STK39: variants seen among roughly 807,000 people sequenced by gnomAD.
STK39 encodes the protein STE20/SPS1-related proline-alanine-rich protein kinase.
In STK39, 20 loss-of-function variants were observed where a neutral mutation model predicts 77.8. The observed-to-expected ratio is 0.26, with a 90% CI of 0.18 to 0.37. The LOEUF is 0.37. Ranked by LOEUF, STK39 falls within the 10% of genes least tolerant of loss-of-function variation. STK39 has a pLI of 1.00. For missense variants in STK39, 479 were observed against 656.5 expected (o/e 0.73, Z 2.95); for synonymous variants, 246 against 234.1 (o/e 1.05, Z -0.47).
intron 10 of STK39, among the ~76,000 whole-genome samples, chr2:168,110,609 T>C (rs1017021461): frequency 2.6e-5 from 4 of 152,212 alleles, no homozygotes; most frequent in Admixed American, 2.6e-4. Context: ...TCCTTCTTTT[T>C]TCCACACAGA....
At chr2:167,983,453 C>CAA (rs761596679) in intron 16 of STK39, among the ~76,000 whole-genome samples, 15,967 of 91,882 alleles carry the variant, frequency 0.17, 1,287 homozygotes, top group East Asian at 0.34. Flanking sequence ...AAACTCCATC[C>CAA]AAAAAAAAAA....
At chr2:168,186,942 G>A (rs1220137921) in intron 1 of STK39, among the ~76,000 whole-genome samples, 1 of 152,178 alleles carries the variant, frequency 6.6e-6, no homozygotes, top group Non-Finnish European at 1.5e-5. Context: ...GTCTGATACA[G>A]CATGATGAGC....
chr2:167,995,677 A>G (rs1042049108), intron 16 of STK39, among the ~76,000 whole-genome samples: 3 of 152,186 alleles, frequency 2.0e-5, no homozygotes, highest in African/African-American at 7.2e-5. Flanking sequence ...AGAAGAAGAG[A>G]TTAAGTGTGG....
intron 16 of STK39, among the ~76,000 whole-genome samples, chr2:167,969,366 A>T (rs2105248241): frequency 6.6e-6 from 1 of 152,252 alleles, no homozygotes; most frequent in East Asian, 1.9e-4. Context: ...AACTGTTCCC[A>T]TCAACTTCGG....
chr2:168,106,111 C>T (rs1439949518), intron 10 of STK39, among the ~76,000 whole-genome samples: 1 of 152,196 alleles, frequency 6.6e-6, no homozygotes, highest in African/African-American at 2.4e-5. Flanking sequence ...TACAGATGCG[C>T]ACCACCATGC....
intron 1 of STK39, among the ~76,000 whole-genome samples, chr2:168,233,800 G>A (rs957970154): frequency 6.6e-6 from 1 of 152,058 alleles, no homozygotes; most frequent in Non-Finnish European, 1.5e-5. Context: ...TTCTGACTAC[G>A]ATATCCAACC....
At chr2:168,186,631 C>T (rs1689216128) in intron 1 of STK39, among the ~76,000 whole-genome samples, 1 of 152,210 alleles carries the variant, frequency 6.6e-6, no homozygotes, top group Non-Finnish European at 1.5e-5. Context: ...TAGACTTCAG[C>T]TTCCTTAATG....
intron 16 of STK39, among the ~76,000 whole-genome samples, chr2:167,966,372 C>T (rs191911794): frequency 6.6e-6 from 1 of 152,254 alleles, no homozygotes; most frequent in Admixed American, 6.5e-5. Flanking sequence ...CAAATTACAG[C>T]AAATGAACAC....
intron 4 of STK39, among the ~76,000 whole-genome samples, chr2:168,163,152 T>C (rs529104341): frequency 6.6e-6 from 1 of 152,314 alleles, no homozygotes; most frequent in East Asian, 1.9e-4. Flanking sequence ...AGAGCCCAAG[T>C]AGCACTCACT....
At chr2:168,029,637 C>G (rs1215613705) in intron 14 of STK39, among the ~76,000 whole-genome samples, 1 of 152,146 alleles carries the variant, frequency 6.6e-6, no homozygotes. Context: ...ATCGCCTATA[C>G]ACACTTCTTC....
rs1686940213 is a variant in STK39, at chr2:168,105,269, G to C, written c.1089+24272C>G. 1.3e-5 allele frequency among the ~76,000 whole-genome samples: 2 copies of C among 152,158 alleles called. 1 individual carries two copies. Among genetic ancestry groups the C allele is most frequent in the Admixed American group, 1.3e-4 (2 of 15,272 alleles). On this transcript the variant is annotated intron_variant, in intron 10 of 17. Coordinates refer to ENST00000355999, the MANE Select transcript of STK39 (RefSeq NM_013233.3). ...CATACTCAGTCTGATGAACTTCACA[G>C]CTTCTCCACACTCTCCTCCAACCTA...
At chr2:168,108,791 A>C (rs528656027) in intron 10 of STK39, among the ~76,000 whole-genome samples, 8 of 152,280 alleles carry the variant, frequency 5.3e-5, no homozygotes, top group African/African-American at 1.9e-4. Context: ...ACATATCATC[A>C]GTTTAGAAGT....
chr2:167,970,599 C>T (rs1363898364), intron 16 of STK39, among the ~76,000 whole-genome samples: 1 of 152,192 alleles, frequency 6.6e-6, no homozygotes, highest in Non-Finnish European at 1.5e-5. Flanking sequence ...AGCAATAATC[C>T]TATTCGTTTG....
intron 10 of STK39, among the ~76,000 whole-genome samples, chr2:168,102,908 C>A: frequency 1.7e-5 from 2 of 118,816 alleles, no homozygotes; most frequent in South Asian, 5.7e-4. Context: ...CCAGCCTGGG[C>A]GACAGAGCGA....
intron 17 of STK39, among the ~76,000 whole-genome samples, chr2:167,963,534 A>C (rs200741146): frequency 5.4e-5 from 8 of 148,356 alleles, no homozygotes; most frequent in Non-Finnish European, 1.0e-4. Context: ...AAAAAAAAAA[A>C]AAACACACAC....
intron 5 of STK39, among the ~76,000 whole-genome samples, chr2:168,159,510 A>G (rs1364675659): frequency 6.6e-6 from 1 of 152,242 alleles, no homozygotes; most frequent in Non-Finnish European, 1.5e-5. Flanking sequence ...AGTAACATCT[A>G]CCTTTCCAAG....
chr2:168,224,645 T>A (rs1690259776), intron 1 of STK39, among the ~76,000 whole-genome samples: 1 of 152,188 alleles, frequency 6.6e-6, no homozygotes, highest in African/African-American at 2.4e-5. Flanking sequence ...TTTAAGAGAT[T>A]TTTCTCCTAA....
At chr2:168,181,356 A>T (rs1481091348) in intron 2 of STK39, among the ~76,000 whole-genome samples, 2 of 152,208 alleles carry the variant, frequency 1.3e-5, no homozygotes, top group Non-Finnish European at 2.9e-5. Flanking sequence ...GCTAAGCCAA[A>T]AGCAAATGTT....
chr2:167,998,064 TAAAAG>T (rs1387617530), intron 16 of STK39, among the ~76,000 whole-genome samples: 1 of 152,124 alleles, frequency 6.6e-6, no homozygotes, highest in Non-Finnish European at 1.5e-5. Flanking sequence ...CTCTTTCCCT[TAAAAG>T]AAAGTATTAC....
Sources: allele counts gnomAD v4.1 joint callset (sites outside exome capture counted in the v4.1 genomes callset), GRCh38; gene constraint gnomAD v4.1.1; transcripts MANE v1.5; gene names NCBI Gene and HGNC (gene_info 2026-07-23, HGNC 2026-07-21).